SUB1: variants seen among roughly 807,000 people sequenced by gnomAD.
The protein encoded by SUB1 is SUB1 regulator of transcription.
A neutral mutation model predicts 16.9 loss-of-function variants in SUB1; 1 was observed. The ratio of observed to expected loss-of-function variants is 0.06; its 90% CI spans 0.02 to 0.28. SUB1 has a LOEUF of 0.28. Ranked by LOEUF, SUB1 falls within the 10% of genes least tolerant of loss-of-function variation. The pLI is 1.00. For synonymous variants in SUB1, 51 were observed against 46.9 expected, an observed-to-expected ratio of 1.09 and a Z score of -0.36; for missense variants, 84 against 145.2, an observed-to-expected ratio of 0.58 and a Z score of 2.16.
intron 4 of SUB1, among the ~76,000 whole-genome samples, chr5:32,600,083 C>T (rs572160897): frequency 8.3e-4 from 126 of 152,242 alleles, no homozygotes; most frequent in Middle Eastern, 3.4e-3. Flanking sequence ...AACTCTTTGG[C>T]GTATAGATGC....
intron 1 of SUB1, among the ~76,000 whole-genome samples, chr5:32,587,068 C>T (rs1738691354): frequency 6.6e-6 from 1 of 151,948 alleles, no homozygotes; most frequent in Non-Finnish European, 1.5e-5. Flanking sequence ...GTTTATTAGG[C>T]CCTTTAACGC....
intron 3 of SUB1, chr5:32,596,120 A>G (rs946552098): frequency 6.6e-6 from 1 of 152,166 alleles, no homozygotes; most frequent in Non-Finnish European, 1.5e-5. Flanking sequence ...AACAGAGAGG[A>G]AAATATGAAA....
Position 32,602,140 on chromosome 5 carries a change from A to C in SUB1, c.*1056A>C, listed in dbSNP as rs1202798998. The stretch of plus-strand genomic sequence containing the variant: ...GACCAATGGCATTCTAGACTTGATG[A>C]TACTAAGTTTTAGCAGACACTAGTA... On this transcript the variant is annotated 3_prime_UTR_variant, in exon 5 of 5. Coordinates refer to ENST00000265073, the MANE Select transcript of SUB1 (RefSeq NM_006713.4). The C allele has an allele frequency of 2.3e-6, 1 of 440,898 alleles. No homozygotes were observed. The highest frequency in any genetic ancestry group is 2.0e-5 in the African/African-American group (1 of 49,514). 27.3% of individuals were successfully genotyped at this position (440,898 alleles called of 1,614,324 possible).
intron 3 of SUB1, chr5:32,595,401 C>T (rs1579515391): frequency 6.6e-6 from 1 of 152,186 alleles, no homozygotes; most frequent in East Asian, 1.9e-4. Context: ...TATGTTGTCT[C>T]TTCTAGAACT....
Position 32,602,557 on chromosome 5 carries a change from G to A in SUB1, c.*1473G>A, listed in dbSNP as rs953455876. ...TTGATTCATACATCTAAAACATTTTGTAGTTACTTGTCAAGGACTTAATTT... is the reference window on the plus strand; with the variant it reads ...TTGATTCATACATCTAAAACATTTTATAGTTACTTGTCAAGGACTTAATTT... On this transcript the variant is annotated 3_prime_UTR_variant, in exon 5 of 5. Transcript: ENST00000265073. 1 of 166,496 alleles carries A rather than the reference G, an allele frequency of 6.0e-6. No homozygotes were observed. The highest frequency in any genetic ancestry group is 2.4e-5 in the African/African-American group (1 of 41,588). 10.3% of individuals were successfully genotyped at this position (166,496 alleles called of 1,614,324 possible).
At position 32,602,506 on chromosome 5, in the gene SUB1, AGT is replaced by A. The variant is rs1333135632; in HGVS notation, c.*1423_*1424del. 5.4e-6 allele frequency: 1 copy of A among 184,978 alleles called. No homozygotes were observed. Among genetic ancestry groups the A allele is most frequent in the Non-Finnish European group, 1.2e-5 (1 of 86,482 alleles). The allele number at this position is 184,978 out of a possible 1,614,324, so 11.5% of individuals were successfully genotyped here. A position where few individuals can be genotyped will look rare whatever the true frequency, so the allele number is the denominator to read the frequency against. On this transcript the variant is annotated 3_prime_UTR_variant, in exon 5 of 5. Transcript: ENST00000265073. ...CTGCTATTAAGGTCTGCCATATTAG[AGT>A]TTTGCACTATTTTGCTACCAAGTTT...
intron 4 of SUB1, among the ~76,000 whole-genome samples, chr5:32,600,422 A>G (rs751809781): frequency 6.6e-6 from 1 of 152,226 alleles, no homozygotes; most frequent in African/African-American, 2.4e-5. Context: ...GTTGACGGGT[A>G]TTAGTAAGAT....
chr5:32,600,793 G>T (rs1393696898), intron 4 of SUB1, among the ~76,000 whole-genome samples: 2 of 152,050 alleles, frequency 1.3e-5, no homozygotes, highest in Non-Finnish European at 2.9e-5. Context: ...TAGTAGAGAT[G>T]GGGTTTCACC....
Position 32,603,058 on chromosome 5 carries a change from A to AGAT in SUB1, c.*1976_*1978dup, listed in dbSNP as rs1739154841. On this transcript the variant is annotated 3_prime_UTR_variant, in exon 5 of 5. Transcript: ENST00000265073. The stretch of plus-strand genomic sequence containing the variant: ...ATGCATTTTGAAACAATCTACTAAC[A>AGAT]GATGGTGCTGAAATCTATTACCTAC... 6.6e-6 allele frequency: 1 copy of AGAT among 152,140 alleles called. No individual in the cohort carries two copies. Among genetic ancestry groups the AGAT allele is most frequent in the Non-Finnish European group, 1.5e-5 (1 of 67,998 alleles). 9.4% of individuals were successfully genotyped at this position (152,140 alleles called of 1,614,324 possible).
At chr5:32,590,701 T>G (rs1738798365) in intron 2 of SUB1, among the ~76,000 whole-genome samples, 1 of 150,416 alleles carries the variant, frequency 6.6e-6, no homozygotes, top group African/African-American at 2.4e-5. Flanking sequence ...GTTCAAGCGA[T>G]TCTCCTGCCT....
At position 32,602,343 on chromosome 5, in the gene SUB1, A is replaced by G; in HGVS notation, c.*1259A>G. 1 of 377,826 alleles carries G rather than the reference A, an allele frequency of 2.6e-6. No individual in the cohort carries two copies. The highest frequency in any genetic ancestry group is 5.2e-6 in the Non-Finnish European group (1 of 192,748). 23.4% of individuals were successfully genotyped at this position (377,826 alleles called of 1,614,324 possible). On this transcript the variant is annotated 3_prime_UTR_variant, in exon 5 of 5. Coordinates refer to ENST00000265073, the MANE Select transcript of SUB1 (RefSeq NM_006713.4). The stretch of plus-strand genomic sequence containing the variant: ...GAAATAATTCTCTTCTATCTAAATG[A>G]TATACATATGATATTTTGAGATTTT...
At chr5:32,586,289 T>G (rs1449215329) in intron 1 of SUB1, 7 of 152,232 alleles carry the variant, frequency 4.6e-5, no homozygotes, top group Non-Finnish European at 8.8e-5. Context: ...GCTTGTCACC[T>G]TCCTGTTATA....
Position 32,590,118 on chromosome 5 carries a change from G to C in SUB1, c.73-1445G>C, listed in dbSNP as rs4049469. Reference sequence around the variant, plus strand: ...TGCACTATTCCACAGGGAATACTTAGAGCCTGATTTATAGAATAATTGCTT... The same window carrying C: ...TGCACTATTCCACAGGGAATACTTACAGCCTGATTTATAGAATAATTGCTT... On this transcript the variant is annotated intron_variant, in intron 2 of 4. Transcript: ENST00000265073. 2.0e-3 allele frequency among the ~76,000 whole-genome samples: 310 copies of C among 152,210 alleles called. 2 individuals carry two copies. The highest frequency in any genetic ancestry group is 7.2e-3 in the African/African-American group (298 of 41,514).
rs537170699 is a variant in SUB1, at chr5:32,588,496, T to C, written c.-1-16T>C. On this transcript the variant is annotated splice_polypyrimidine_tract_variant and intron_variant, in intron 1 of 4. Transcript: ENST00000265073. Reference sequence around the variant, plus strand: ...AGTACCTTATTAATTATTTTTGTAATGTATTTTTCTTTCAGGATGCCTAAA... The same window carrying C: ...AGTACCTTATTAATTATTTTTGTAACGTATTTTTCTTTCAGGATGCCTAAA... The C allele has an allele frequency of 1.7e-5, 27 of 1,607,388 alleles. No individual in the cohort carries two copies. The highest frequency in any genetic ancestry group is 2.2e-5 in the South Asian group (2 of 90,662).
chr5:32,592,601 A>T (rs1738856451), intron 3 of SUB1, among the ~76,000 whole-genome samples: 2 of 152,198 alleles, frequency 1.3e-5, no homozygotes, highest in African/African-American at 4.8e-5. Flanking sequence ...AAGGGCTTAG[A>T]TGGTTTTTCC....
At chr5:32,593,684 T>C (rs1738886955) in intron 3 of SUB1, among the ~76,000 whole-genome samples, 1 of 151,980 alleles carries the variant, frequency 6.6e-6, no homozygotes, top group Non-Finnish European at 1.5e-5. Flanking sequence ...AGGAGGAACA[T>C]AGGTCATCTT....
At chr5:32,591,922 A>T (rs530353679) in intron 3 of SUB1, among the ~76,000 whole-genome samples, 1 of 151,702 alleles carries the variant, frequency 6.6e-6, no homozygotes, top group African/African-American at 2.4e-5. Context: ...CTGGTCTTGA[A>T]CTCCTGACCT....
intron 4 of SUB1, 68 bp from the exon 5 acceptor site, chr5:32,600,937 G>C (rs1739100181): frequency 1.4e-6 from 2 of 1,425,290 alleles, no homozygotes; most frequent in Non-Finnish European, 2.0e-6. Flanking sequence ...CAGTATTCTA[G>C]TTGGAAGTAT....
chr5:32,590,762 A>ATTTTTTTTTTGTTTTTTTT (rs1738801729), intron 2 of SUB1, among the ~76,000 whole-genome samples: 1 of 33,960 alleles, frequency 2.9e-5, no homozygotes, highest in East Asian at 6.0e-4. Context: ...CGCCTGGCTA[A>ATTTTTTTTTTGTTTTTTTT]TTTTTTTTTT....
Sources: allele counts gnomAD v4.1 joint callset (sites outside exome capture counted in the v4.1 genomes callset), GRCh38; gene constraint gnomAD v4.1.1; transcripts MANE v1.5; gene names NCBI Gene and HGNC (gene_info 2026-07-23, HGNC 2026-07-21).